Variants in TPP2 observed in about 807,000 individuals in gnomAD.
The protein encoded by TPP2 is tripeptidyl-peptidase 2.
A neutral mutation model predicts 155.9 loss-of-function variants in TPP2; 34 were observed. That is an observed-to-expected ratio of 0.22 (90% CI 0.17 to 0.29). The LOEUF is 0.29. Ranked by LOEUF, TPP2 falls within the 10% of genes least tolerant of loss-of-function variation. The pLI, the probability that TPP2 is intolerant of heterozygous loss-of-function variation, is 1.00. For missense variants in TPP2, 1,028 were observed against 1,522.3 expected, an observed-to-expected ratio of 0.68 and a Z score of 5.40; for synonymous variants, 510 against 529.4, an observed-to-expected ratio of 0.96 and a Z score of 0.50.
chr13:102,652,951 T>G (rs1883614575), intron 24 of TPP2, among the ~76,000 whole-genome samples: 1 of 152,214 alleles, frequency 6.6e-6, no homozygotes, highest in Non-Finnish European at 1.5e-5. Flanking sequence ...AGGAATCTAT[T>G]AAAAATAGAA....
intron 2 of TPP2, among the ~76,000 whole-genome samples, chr13:102,605,750 G>T (rs1389886878): frequency 6.9e-6 from 1 of 144,110 alleles, no homozygotes; most frequent in Non-Finnish European, 1.5e-5. Context: ...GAGACATAGA[G>T]TCTTGCTCCG....
intron 23 of TPP2, 71 bp downstream of exon 23, chr13:102,649,557 T>C: frequency 7.4e-7 from 1 of 1,345,192 alleles, no homozygotes; most frequent in Non-Finnish European, 1.0e-6. Context: ...TAAGAATTAA[T>C]TCCACATTTC....
intron 5 of TPP2, 92 bp from the exon 6 acceptor site, chr13:102,622,785 A>C: frequency 7.5e-7 from 1 of 1,327,188 alleles, no homozygotes; most frequent in Non-Finnish European, 1.0e-6. Context: ...TAGAGGTAGT[A>C]GTATAGTAAA....
intron 10 of TPP2, among the ~76,000 whole-genome samples, chr13:102,632,949 G>A (rs1882116653): frequency 6.6e-6 from 1 of 152,172 alleles, no homozygotes; most frequent in African/African-American, 2.4e-5. Context: ...TAAAAGAGGT[G>A]CTGTCAGCCC....
intron 25 of TPP2, among the ~76,000 whole-genome samples, chr13:102,661,235 A>G (rs1003224177): frequency 6.7e-6 from 1 of 150,238 alleles, no homozygotes; most frequent in South Asian, 2.1e-4. Context: ...TGCAAAATAT[A>G]TAAAGAACGC....
chr13:102,667,808 T>C lies in TPP2; in HGVS notation c.3371+2883T>C, dbSNP rs75588137. The C allele has an allele frequency of 1.6e-3, 1,609 of 985,508 alleles. 25 individuals are homozygous for C. In the African/African-American group the frequency reaches 0.025, roughly 15 times the overall value. 61.0% of individuals were successfully genotyped at this position (985,508 alleles called of 1,614,324 possible). A position where few individuals can be genotyped will look rare whatever the true frequency, so the allele number is the denominator to read the frequency against. Reference sequence around the variant, plus strand: ...CCAGCCCTTCTCTGGGCAGCCAGGATCCATCAGGCAGCATTTGCCGAGTCT... The same window carrying C: ...CCAGCCCTTCTCTGGGCAGCCAGGACCCATCAGGCAGCATTTGCCGAGTCT... On this transcript the variant is annotated intron_variant, in intron 27 of 29. Transcript: ENST00000376052.
chr13:102,619,150 G>A (rs1316084191), intron 5 of TPP2, among the ~76,000 whole-genome samples: 1 of 152,146 alleles, frequency 6.6e-6, no homozygotes, highest in Admixed American at 6.5e-5. Flanking sequence ...TGAGATAGTG[G>A]TGCTTACAGG....
chr13:102,642,119 G>A (rs1439908869), intron 16 of TPP2, among the ~76,000 whole-genome samples: 2 of 152,200 alleles, frequency 1.3e-5, no homozygotes, highest in Non-Finnish European at 2.9e-5. Flanking sequence ...TGTTTCAACT[G>A]TAAATATAGT....
At chr13:102,642,993 T>C (rs1215902273) in intron 16 of TPP2, among the ~76,000 whole-genome samples, 2 of 152,220 alleles carry the variant, frequency 1.3e-5, no homozygotes, top group African/African-American at 4.8e-5. Context: ...TTCATTTTAA[T>C]ACCAGTTTCT....
chr13:102,599,771 A>G (rs1233772518), intron 1 of TPP2, among the ~76,000 whole-genome samples: 1 of 152,202 alleles, frequency 6.6e-6, no homozygotes, highest in Non-Finnish European at 1.5e-5. Context: ...TAGTCTTGCA[A>G]ACTGTCACTC....
chr13:102,599,136 C>T (rs1423990458), intron 1 of TPP2, among the ~76,000 whole-genome samples: 3 of 152,062 alleles, frequency 2.0e-5, no homozygotes, highest in East Asian at 3.9e-4. Context: ...CTGTTGTTCC[C>T]GTCTTTGTGT....
intron 25 of TPP2, among the ~76,000 whole-genome samples, chr13:102,657,685 T>C (rs1883949589): frequency 6.6e-6 from 1 of 152,188 alleles, no homozygotes; most frequent in African/African-American, 2.4e-5. Context: ...ATTTAAACGT[T>C]TTATTTTGCA....
Position 102,608,862 on chromosome 13 carries a change from A to G in TPP2, c.294+3941A>G, listed in dbSNP as rs377690707. On this transcript the variant is annotated intron_variant, in intron 2 of 29. Transcript: ENST00000376052. ...AGATATTTTGTTTAGGTGTCTAATCATCCCTAGCTGTCTTATTTTAGCAAG... is the reference window on the plus strand; with the variant it reads ...AGATATTTTGTTTAGGTGTCTAATCGTCCCTAGCTGTCTTATTTTAGCAAG... Among the ~76,000 whole-genome samples, 19 of 152,040 alleles carry G rather than the reference A, an allele frequency of 1.2e-4. No individual in the cohort carries two copies. In the East Asian group the frequency reaches 3.7e-3, roughly 29 times the overall value.
chr13:102,662,149 C>A (rs551176350), intron 25 of TPP2, among the ~76,000 whole-genome samples: 1 of 152,020 alleles, frequency 6.6e-6, no homozygotes, highest in Non-Finnish European at 1.5e-5. Flanking sequence ...GTGGTAGTAG[C>A]CAGTCACAAA....
At chr13:102,653,474 C>A (rs1883649025) in intron 24 of TPP2, among the ~76,000 whole-genome samples, 1 of 152,138 alleles carries the variant, frequency 6.6e-6, no homozygotes, top group Non-Finnish European at 1.5e-5. Context: ...CTCACTGTTG[C>A]CTCCAGCTCC....
intron 26 of TPP2, among the ~76,000 whole-genome samples, chr13:102,664,169 C>G (rs1884433780): frequency 6.6e-6 from 1 of 152,156 alleles, no homozygotes; most frequent in South Asian, 2.1e-4. Flanking sequence ...TCTCATTATT[C>G]ATCAAAGCAG....
chr13:102,634,992 T>C (rs557322409), intron 11 of TPP2, among the ~76,000 whole-genome samples: 2 of 152,330 alleles, frequency 1.3e-5, no homozygotes, highest in South Asian at 2.1e-4. Context: ...TTTATGTGTT[T>C]AATGAGCTCT....
intron 14 of TPP2, among the ~76,000 whole-genome samples, chr13:102,637,782 C>T (rs1363987175): frequency 6.6e-6 from 1 of 152,146 alleles, no homozygotes; most frequent in African/African-American, 2.4e-5. Flanking sequence ...AACTCTTGGC[C>T]TCAAGTGATC....
At chr13:102,655,592 G>T (rs1355906540) in intron 24 of TPP2, among the ~76,000 whole-genome samples, 1 of 152,136 alleles carries the variant, frequency 6.6e-6, no homozygotes, top group African/African-American at 2.4e-5. Flanking sequence ...AGACTTATCT[G>T]TGAATAAAAT....
Sources: gnomAD v4.1 joint callset for allele counts (sites outside exome capture counted in the v4.1 genomes callset) on GRCh38, gnomAD v4.1.1 for gene constraint, MANE v1.5 for transcripts, NCBI Gene and HGNC (gene_info 2026-07-23, HGNC 2026-07-21) for gene names.